Variants in IGFL2 observed in about 807,000 individuals in gnomAD.
IGFL2 encodes insulin growth factor-like family member 2.
A neutral mutation model predicts 13.9 loss-of-function variants in IGFL2; 7 were observed. That is an observed-to-expected ratio of 0.51 (90% CI 0.29 to 0.95). The LOEUF is 0.95. Among genes scored for constraint, IGFL2 ranks in the 40% least tolerant of loss-of-function variants. The probability of loss-of-function intolerance (pLI) is 0.08; values close to 1 mark genes in which losing one functional copy is unlikely to be tolerated. For missense variants in IGFL2, 138 were observed against 147.8 expected, an observed-to-expected ratio of 0.93 and a Z score of 0.34; for synonymous variants, 55 against 55.8, an observed-to-expected ratio of 0.99 and a Z score of 0.07.
the IGFL2 span, among the ~76,000 whole-genome samples, chr19:46,091,898 A>G: frequency 1.3e-5 from 2 of 152,198 alleles, no homozygotes; most frequent in Non-Finnish European, 2.9e-5. Context: ...TAAAGTTTCA[A>G]TTTATTTTTT....
At chr19:46,123,819 T>C in the IGFL2 span, 2 of 1,504,688 alleles carry the variant, frequency 1.3e-6, no homozygotes, top group Admixed American at 4.2e-5. Flanking sequence ...GGAGTTCCTC[T>C]TCAAGCCCTC....
At chr19:46,144,580 G>T (rs559130030), upstream of IGFL2, among the ~76,000 whole-genome samples, 8 of 152,136 alleles carry the variant, frequency 5.3e-5, no homozygotes, top group African/African-American at 1.9e-4. Flanking sequence ...ATTCTTTGCA[G>T]CTAGAACAGC....
At chr19:46,087,003 G>A in the IGFL2 span, among the ~76,000 whole-genome samples, 1 of 152,316 alleles carries the variant, frequency 6.6e-6, no homozygotes, top group South Asian at 2.1e-4. Context: ...CAGGTTTTGG[G>A]CCACGGTGGC....
At chr19:46,089,185 T>G in the IGFL2 span, among the ~76,000 whole-genome samples, 1 of 152,186 alleles carries the variant, frequency 6.6e-6, no homozygotes, top group Non-Finnish European at 1.5e-5. Flanking sequence ...AAAAACTTTA[T>G]AGTTACAAGA....
At chr19:46,123,899 G>A in the IGFL2 span, 49 of 1,610,326 alleles carry the variant, frequency 3.0e-5, 2 homozygotes, top group Middle Eastern at 3.3e-4. Context: ...GTACAGCTCC[G>A]GGAGATGGGA....
At chr19:46,142,354 C>T (rs574268238), upstream of IGFL2, among the ~76,000 whole-genome samples, 19 of 152,286 alleles carry the variant, frequency 1.2e-4, no homozygotes, top group South Asian at 3.9e-3. Flanking sequence ...GTAATTTCCT[C>T]AAACATTACA....
chr19:46,081,393 G>C, the IGFL2 span, among the ~76,000 whole-genome samples: 1 of 152,158 alleles, frequency 6.6e-6, no homozygotes, highest in Admixed American at 6.5e-5. Context: ...ATTGAAACCA[G>C]AAAACTAATA....
At chr19:46,124,832 A>G in the IGFL2 span, among the ~76,000 whole-genome samples, 1 of 150,740 alleles carries the variant, frequency 6.6e-6, no homozygotes, top group Non-Finnish European at 1.5e-5. Flanking sequence ...AAGCACATTC[A>G]TTAGTTTCTT....
the IGFL2 span, among the ~76,000 whole-genome samples, chr19:46,116,922 T>TA: frequency 4.6e-5 from 7 of 152,084 alleles, no homozygotes; most frequent in African/African-American, 1.7e-4. Flanking sequence ...TTGTACAACT[T>TA]ACACAAGTTA....
chr19:46,119,503 G>A, the IGFL2 span, among the ~76,000 whole-genome samples: 1 of 141,038 alleles, frequency 7.1e-6, no homozygotes, highest in Non-Finnish European at 1.5e-5. Context: ...GCTGCTCTGG[G>A]GCCTAAAAAC....
upstream of IGFL2, among the ~76,000 whole-genome samples, chr19:46,138,891 T>C (rs1310728157): frequency 6.6e-6 from 1 of 152,070 alleles, no homozygotes. Context: ...AGGTGAGCCT[T>C]GGAGAATGAG....
the IGFL2 span, among the ~76,000 whole-genome samples, chr19:46,131,100 A>C: frequency 6.6e-6 from 1 of 152,108 alleles, no homozygotes; most frequent in Non-Finnish European, 1.5e-5. Context: ...TGTGATGCTG[A>C]GTCTAAGTTA....
the IGFL2 span, chr19:46,206,632 A>C: frequency 6.6e-6 from 1 of 152,276 alleles, no homozygotes; most frequent in Non-Finnish European, 1.5e-5. Flanking sequence ...ATATTACATC[A>C]GTCCAAAAGA....
At chr19:46,102,808 T>TG in the IGFL2 span, among the ~76,000 whole-genome samples, 2 of 152,088 alleles carry the variant, frequency 1.3e-5, no homozygotes, top group Non-Finnish European at 2.9e-5. Context: ...GGTGAAGTGT[T>TG]GGGGCGGCAA....
the IGFL2 span, among the ~76,000 whole-genome samples, chr19:46,182,856 T>C: frequency 1.3e-5 from 2 of 151,940 alleles, no homozygotes; most frequent in African/African-American, 4.8e-5. Context: ...TCTCCCCATC[T>C]CTCCTGCCTC....
the IGFL2 span, among the ~76,000 whole-genome samples, chr19:46,176,009 ATTTTT>A: frequency 5.0e-4 from 36 of 71,902 alleles, no homozygotes; most frequent in Admixed American, 7.3e-4. Flanking sequence ...CGCCCGACTA[ATTTTT>A]TTTTTTTTTT....
At chr19:46,089,826 G>T in the IGFL2 span, among the ~76,000 whole-genome samples, 1 of 151,812 alleles carries the variant, frequency 6.6e-6, no homozygotes, top group African/African-American at 2.4e-5. Flanking sequence ...ATATGGCTTG[G>T]GGTAATCTTA....
chr19:46,153,592 G>A (rs544774982), intron 1 of IGFL2, among the ~76,000 whole-genome samples: 2 of 152,056 alleles, frequency 1.3e-5, no homozygotes, highest in Admixed American at 1.3e-4. Flanking sequence ...TTTAAGACCA[G>A]TTAAGAGAAG....
At chr19:46,186,325 A>G in the IGFL2 span, among the ~76,000 whole-genome samples, 1 of 152,214 alleles carries the variant, frequency 6.6e-6, no homozygotes, top group African/African-American at 2.4e-5. Context: ...GCCACCTGGC[A>G]GTCACTTTTA....
Sources: gnomAD v4.1 joint callset for allele counts (sites outside exome capture counted in the v4.1 genomes callset) on GRCh38, gnomAD v4.1.1 for gene constraint, MANE v1.5 for transcripts, NCBI Gene and HGNC (gene_info 2026-07-23, HGNC 2026-07-21) for gene names.